GAA: variants seen among roughly 807,000 people sequenced by gnomAD.
The protein encoded by GAA is lysosomal alpha-glucosidase.
GAA carries 88 observed loss-of-function variants against 103.9 expected under a neutral mutation model. The observed-to-expected ratio is 0.85, with a 90% CI of 0.71 to 1.01. GAA has a LOEUF of 1.01. Among genes scored for constraint, GAA ranks in the 50% least tolerant of loss-of-function variants. The pLI is 0.00. For synonymous variants in GAA, 572 were observed against 563.1 expected, an observed-to-expected ratio of 1.02 and a Z score of -0.22; for missense variants, 1,350 against 1,305.3, an observed-to-expected ratio of 1.03 and a Z score of -0.53.
intron 15 of GAA, 105 bp from the exon 16 acceptor site, chr17:80,116,863 C>T: frequency 7.5e-7 from 1 of 1,333,066 alleles, no homozygotes; most frequent in Non-Finnish European, 1.1e-6. Flanking sequence ...CCTTGAGCTC[C>T]AGAGAGCAGA....
At chr17:80,116,939 G>C in intron 15 of GAA, 29 bp from the exon 16 acceptor site, 1 of 1,613,114 alleles carries the variant, frequency 6.2e-7, no homozygotes, top group Non-Finnish European at 8.5e-7. Flanking sequence ...TTCATCACCC[G>C]TATGCCTGTG....
intron 5 of GAA, 33 bp downstream of exon 5, chr17:80,107,929 G>A (rs774555502): frequency 6.4e-7 from 1 of 1,566,516 alleles, no homozygotes; most frequent in Non-Finnish European, 8.7e-7. Context: ...CCCGGGCCGG[G>A]GTCTCCTCCG....
At chr17:80,115,610 C>T (rs1036991318) in intron 15 of GAA, among the ~76,000 whole-genome samples, 1 of 152,210 alleles carries the variant, frequency 6.6e-6, no homozygotes, top group East Asian at 1.9e-4. Context: ...ACTGTCCCCC[C>T]ATCTGTGGGC....
chr17:80,118,562 A>G (rs2039411342), intron 18 of GAA, 91 bp from the exon 19 acceptor site: 6 of 1,516,444 alleles, frequency 4.0e-6, no homozygotes, highest in African/African-American at 1.4e-5. Context: ...TGATGCCATC[A>G]TGAGTCCCTG....
chr17:80,102,478 TG>T lies in GAA; in HGVS notation c.-33+590del, dbSNP rs537211309. On this transcript the variant is annotated intron_variant, in intron 1 of 19. Coordinates refer to ENST00000302262, the MANE Select transcript of GAA (RefSeq NM_000152.5). ...ACCAAGGCCTGATGACGGGTTGGGATGGAAAAGGGGTGAGGGGCTGGAGATT... is the reference window on the plus strand; with the variant it reads ...ACCAAGGCCTGATGACGGGTTGGGATGAAAAGGGGTGAGGGGCTGGAGATT... The T allele has an allele frequency of 1.5e-3, 235 of 152,072 alleles. 2 individuals carry two copies. The highest frequency in any genetic ancestry group is 0.014 in the Middle Eastern group (4 of 294). The allele number at this position is 152,072 out of a possible 1,614,324, so 9.4% of individuals were successfully genotyped here.
intron 12 of GAA, 21 bp downstream of exon 12, chr17:80,112,121 C>A: frequency 6.3e-7 from 1 of 1,599,342 alleles, no homozygotes; most frequent in South Asian, 1.1e-5. Flanking sequence ...CGTCCCGCCC[C>A]ACTGGGCTCT....
At position 80,118,352 on chromosome 17, in the gene GAA, A is replaced by G. The variant is rs769578772; in HGVS notation, c.2641A>G (p.Arg881Gly). ...GAYTQVIFLA[R>G]NNTIVNELVR... ...CTACACACAGGTCATCTTCCTGGCC[A>G]GGAATGTGAGTCCTGGGGCTGCTCA... The change falls in exon 18 of 20, where the codon AGG becomes GGG. Residue 881 changes from arginine (R) to glycine (G), a missense_variant. Physicochemically the swap from Arg to Gly is moderately radical, Grantham distance 125. Coordinates refer to ENST00000302262, the MANE Select transcript of GAA (RefSeq NM_000152.5). 17 of 1,561,386 alleles carry G rather than the reference A, an allele frequency of 1.1e-5. No homozygotes were observed. The East Asian group carries it at 3.6e-4, about 33-fold the overall frequency.
chr17:80,113,091 A>T lies in GAA; in HGVS notation c.2040+64A>T, dbSNP rs1011308965. The T allele has an allele frequency of 2.3e-5, 36 of 1,561,896 alleles. 1 individual carries two copies. The Admixed American group carries it at 6.0e-4, about 26-fold the overall frequency. Reference sequence around the variant, plus strand: ...ACCCACCCAAGACTCTCCCCTGGGAATCCCACCCCTGCTGGAGAAGCACCC... The same window carrying T: ...ACCCACCCAAGACTCTCCCCTGGGATTCCCACCCCTGCTGGAGAAGCACCC... On this transcript the variant is annotated intron_variant, in intron 14 of 19. Transcript: ENST00000302262.
chr17:80,110,974 TCTGAGGACGG>T lies in GAA; in HGVS notation c.1589_1598del (p.Glu530AlafsTer45). 6.2e-7 allele frequency: 1 copy of T among 1,613,864 alleles called. No individual in the cohort carries two copies. The highest frequency in any genetic ancestry group is 8.5e-7 in the Non-Finnish European group (1 of 1,179,958). On this transcript the variant is annotated frameshift_variant, in exon 11 of 20. Coordinates refer to ENST00000302262, the MANE Select transcript of GAA (RefSeq NM_000152.5). LOFTEE classifies it high-confidence loss of function. ...CGAGCCTTCCAACTTCATCAGGGGC[TCTGAGGACGG>T]CTGCCCCAACAATGAGCTGGAGAAC...
At chr17:80,106,854 C>T (rs901934197) in intron 3 of GAA, among the ~76,000 whole-genome samples, 1 of 152,172 alleles carries the variant, frequency 6.6e-6, no homozygotes, top group African/African-American at 2.4e-5. Context: ...CCCAGGGGTT[C>T]GAGGTTGCAG....
rs1281593132 is a variant in GAA at position 80,107,970 on chromosome 17, A to C, written c.955+74A>C. The C allele has an allele frequency of 8.6e-6, 12 of 1,397,718 alleles. No homozygotes were observed. The East Asian group carries it at 2.9e-4, about 34-fold the overall frequency. 86.6% of individuals were successfully genotyped at this position (1,397,718 alleles called of 1,614,324 possible). On this transcript the variant is annotated intron_variant, in intron 5 of 19. Transcript: ENST00000302262. ...CCTGCCCTGGAGACTGGAGGTCCGC[A>C]TGAGGGGCCCTGGGCACGGTGCTGG...
Position 80,119,341 on chromosome 17 carries a change from G to A in GAA, c.*10G>A. The A allele has an allele frequency of 6.2e-7, 1 of 1,612,790 alleles. No individual in the cohort carries two copies. Among genetic ancestry groups the A allele is most frequent in the Non-Finnish European group, 8.5e-7 (1 of 1,178,810 alleles). The stretch of plus-strand genomic sequence containing the variant: ...CGTCAGCTGGTGTTAGCCGGGCGGA[G>A]TGTGTTAGTCTCTCCAGAGGGAGGC... On this transcript the variant is annotated 3_prime_UTR_variant, in exon 20 of 20. Coordinates refer to ENST00000302262, the MANE Select transcript of GAA (RefSeq NM_000152.5).
At position 80,105,968 on chromosome 17, in the gene GAA, G is replaced by A. The variant is rs547705747; in HGVS notation, c.692+74G>A. On this transcript the variant is annotated intron_variant, in intron 3 of 19. Transcript: ENST00000302262. ...TCTCACACGGCAGGGAGGGCCACAC[G>A]CGTTTGTTTCTCACACGATGGGCAG... 3.0e-5 allele frequency: 45 copies of A among 1,513,334 alleles called. No homozygotes were observed. In the East Asian group the frequency reaches 5.0e-4, roughly 17 times the overall value. The allele number at this position is 1,513,334 out of a possible 1,614,324, so 93.7% of individuals were successfully genotyped here.
chr17:80,111,291 C>T (rs1053985292), intron 11 of GAA, among the ~76,000 whole-genome samples: 13 of 152,212 alleles, frequency 8.5e-5, no homozygotes, highest in Non-Finnish European at 1.8e-4. Flanking sequence ...GACTCAGAGC[C>T]GTCTCGATAG....
chr17:80,103,429 C>T (rs2038999041), intron 1 of GAA, among the ~76,000 whole-genome samples: 1 of 152,178 alleles, frequency 6.6e-6, no homozygotes, highest in African/African-American at 2.4e-5. Flanking sequence ...CAGCCTTCCC[C>T]ACGCCCTCCC....
chr17:80,106,526 G>A (rs2039093414), intron 3 of GAA, among the ~76,000 whole-genome samples: 1 of 152,074 alleles, frequency 6.6e-6, no homozygotes, highest in Non-Finnish European at 1.5e-5. Flanking sequence ...GTGGGGGGTG[G>A]GGAGGCCACT....
chr17:80,116,578 CT>C (rs1272354459), intron 15 of GAA, among the ~76,000 whole-genome samples: 1 of 152,230 alleles, frequency 6.6e-6, no homozygotes, highest in Non-Finnish European at 1.5e-5. Context: ...GGTTGTGGGA[CT>C]GGGAGGATCT....
chr17:80,117,492 C>A, intron 16 of GAA, 108 bp from the exon 17 acceptor site: 2 of 1,315,458 alleles, frequency 1.5e-6, no homozygotes, highest in East Asian at 2.3e-5. Context: ...CTGTGCCAGG[C>A]CTCCTAGGCC....
chr17:80,114,842 T>C (rs1284333409), intron 15 of GAA, among the ~76,000 whole-genome samples: 3 of 152,250 alleles, frequency 2.0e-5, no homozygotes, highest in Non-Finnish European at 4.4e-5. Flanking sequence ...ATGAATTCTC[T>C]CAGTTTTTGT....
Sources: gnomAD v4.1 joint callset for allele counts (sites outside exome capture counted in the v4.1 genomes callset) on GRCh38, gnomAD v4.1.1 for gene constraint, MANE v1.5 for transcripts, NCBI Gene and HGNC (gene_info 2026-07-23, HGNC 2026-07-21) for gene names.